The following KIF3C variants were observed in gnomAD, a reference collection of about 807,000 sequenced individuals.
The protein encoded by KIF3C is kinesin family member 3C.
In KIF3C, 12 loss-of-function variants were observed where a neutral mutation model predicts 67.7. The ratio of observed to expected loss-of-function variants is 0.18; its 90% CI spans 0.11 to 0.29. KIF3C has a LOEUF of 0.29. Ranked by LOEUF, KIF3C falls within the 10% of genes least tolerant of loss-of-function variation. KIF3C has a pLI of 1.00. For synonymous variants in KIF3C, 393 were observed against 426.2 expected (o/e 0.92, Z 0.96); for missense variants, 789 against 1,059.6 (o/e 0.74, Z 3.55).
At chr2:25,965,610 C>A (rs1217434058) in intron 1 of KIF3C, among the ~76,000 whole-genome samples, 1 of 151,778 alleles carries the variant, frequency 6.6e-6, no homozygotes, top group East Asian at 1.9e-4. Flanking sequence ...TGAGCCACCA[C>A]ACCCGACTAA....
intron 1 of KIF3C, among the ~76,000 whole-genome samples, chr2:25,960,830 C>T (rs1422714858): frequency 1.3e-5 from 2 of 152,090 alleles, no homozygotes; most frequent in African/African-American, 4.8e-5. Context: ...CAGCTACTCG[C>T]AAGGCTGTGG....
intron 5 of KIF3C, among the ~76,000 whole-genome samples, chr2:25,940,569 C>CA (rs369160884): frequency 1.4e-4 from 19 of 138,450 alleles, no homozygotes; most frequent in African/African-American, 4.8e-4. Flanking sequence ...GACTCCATCT[C>CA]AAAAAACAAA....
intron 4 of KIF3C, 102 bp downstream of exon 4, chr2:25,954,165 C>T (rs1663734731): frequency 1.2e-6 from 1 of 846,316 alleles, no homozygotes; most frequent in African/African-American, 1.7e-5. Flanking sequence ...CTAAAGGACT[C>T]ATGGGAGAGG....
intron 1 of KIF3C, among the ~76,000 whole-genome samples, chr2:25,971,820 A>T (rs1410222256): frequency 7.1e-6 from 1 of 140,972 alleles, no homozygotes; most frequent in African/African-American, 2.7e-5. Flanking sequence ...CCATCCTTCC[A>T]TGTCAGCCTC....
intron 5 of KIF3C, among the ~76,000 whole-genome samples, chr2:25,950,374 C>T (rs1284637894): frequency 6.6e-6 from 1 of 151,738 alleles, no homozygotes; most frequent in East Asian, 1.9e-4. Context: ...CCTGCCACCA[C>T]GCCCAGCTAA....
intron 5 of KIF3C, among the ~76,000 whole-genome samples, chr2:25,945,430 G>A (rs889774465): frequency 6.6e-6 from 1 of 151,518 alleles, no homozygotes; most frequent in Admixed American, 6.6e-5. Flanking sequence ...GGCCAGGTTC[G>A]GTGGCTCAAG....
At chr2:25,959,885 T>C (rs1447961944) in intron 1 of KIF3C, among the ~76,000 whole-genome samples, 1 of 152,148 alleles carries the variant, frequency 6.6e-6, no homozygotes, top group Non-Finnish European at 1.5e-5. Context: ...AGGCCCCTAC[T>C]GTTGTGGACC....
intron 5 of KIF3C, among the ~76,000 whole-genome samples, chr2:25,939,935 G>C (rs1663241128): frequency 6.6e-6 from 1 of 151,820 alleles, no homozygotes; most frequent in Admixed American, 6.6e-5. Context: ...GGGTGACAGA[G>C]TAAAACTCTG....
rs1038920913 is a variant in KIF3C at position 25,981,133 on chromosome 2, C to A, written c.785G>T (p.Gly262Val). ...ACCCGAGGATGGTGTGGCTGCCCCT[C>A]CCGCTGTGTTGGGGCCTGCCTTGTT... ...RQNKAGPNTA[G>V]GAATPSSGGG... Residue 262 changes from glycine to valine, a missense_variant, in exon 1 of 8, where the codon GGA (glycine) becomes GTA (valine). This residue lies in a region of KIF3C where 648 missense variants were observed against 807.8 expected (regional missense o/e 0.80). Transcript: ENST00000264712. The surrounding 1 kb of genome is among the most constrained non-coding windows in gnomAD (Gnocchi z 8.2). 5 of 1,614,066 alleles carry A rather than the reference C, an allele frequency of 3.1e-6. No individual in the cohort carries two copies. The African/African-American group carries it at 6.7e-5, about 22-fold the overall frequency.
At chr2:25,931,181 G>A (rs969122651) in intron 5 of KIF3C, among the ~76,000 whole-genome samples, 5 of 152,062 alleles carry the variant, frequency 3.3e-5, no homozygotes, top group Non-Finnish European at 7.4e-5. Context: ...CCCCTGCCAG[G>A]TGCAGTGGCT....
chr2:25,970,469 G>A (rs972003738), intron 1 of KIF3C, among the ~76,000 whole-genome samples: 6 of 151,184 alleles, frequency 4.0e-5, no homozygotes, highest in African/African-American at 1.2e-4. Flanking sequence ...GGAGTTCGGC[G>A]CCAGTCTGGT....
intron 1 of KIF3C, among the ~76,000 whole-genome samples, chr2:25,974,866 A>T (rs1259419199): frequency 6.6e-6 from 1 of 151,904 alleles, no homozygotes; most frequent in African/African-American, 2.4e-5. Context: ...ATCTGTACTA[A>T]AAATATAAAA....
chr2:25,941,094 G>A lies in KIF3C; in HGVS notation c.2006+10695C>T, dbSNP rs145027847. The stretch of plus-strand genomic sequence containing the variant: ...GGAGTTCACTTGAGCTCAGGAGTTC[G>A]AGACCAGCCTAGGCAACATAGTGAG... On this transcript the variant is annotated intron_variant, in intron 5 of 7. Transcript: ENST00000264712. Among the ~76,000 whole-genome samples, 16 of 151,166 alleles carry A rather than the reference G, an allele frequency of 1.1e-4. No homozygotes were observed. In the East Asian group the frequency reaches 1.9e-3, roughly 18 times the overall value.
intron 1 of KIF3C, among the ~76,000 whole-genome samples, chr2:25,969,951 A>G (rs1421695472): frequency 6.6e-6 from 1 of 152,172 alleles, no homozygotes; most frequent in Non-Finnish European, 1.5e-5. Flanking sequence ...CCTGGCCTCA[A>G]GTGATCTGCC....
At chr2:25,947,348 G>A (rs1297271225) in intron 5 of KIF3C, among the ~76,000 whole-genome samples, 2 of 152,214 alleles carry the variant, frequency 1.3e-5, no homozygotes, top group South Asian at 2.1e-4. Context: ...TTGGGAGGCC[G>A]GGGCGGGCAG....
chr2:25,949,063 T>C (rs1169502265), intron 5 of KIF3C, among the ~76,000 whole-genome samples: 1 of 152,170 alleles, frequency 6.6e-6, no homozygotes, highest in Non-Finnish European at 1.5e-5. Context: ...TATATAATAA[T>C]ATTGTGACAA....
At chr2:25,956,839 C>A (rs1335550406) in intron 1 of KIF3C, among the ~76,000 whole-genome samples, 1 of 152,154 alleles carries the variant, frequency 6.6e-6, no homozygotes, top group Non-Finnish European at 1.5e-5. Flanking sequence ...GGTAGCCCAG[C>A]CTTTAGCTAA....
chr2:25,954,532 GCCCAACC>G, intron 3 of KIF3C, 147 bp from the exon 4 acceptor site: 1 of 626,716 alleles, frequency 1.6e-6, no homozygotes, highest in Non-Finnish European at 2.8e-6. Context: ...TCCCCGCTGT[GCCCAACC>G]CACCACGAAT....
intron 5 of KIF3C, among the ~76,000 whole-genome samples, chr2:25,947,864 G>T (rs1351059697): frequency 6.6e-6 from 1 of 151,962 alleles, no homozygotes; most frequent in Non-Finnish European, 1.5e-5. Context: ...TGAAGTAAGG[G>T]TTACTTAAAA....
Sources: gnomAD v4.1 joint callset for allele counts (sites outside exome capture counted in the v4.1 genomes callset) on GRCh38, gnomAD v4.1.1 for gene constraint, gnomAD v4.1.1 regional missense constraint, Gnocchi (gnomAD v3.1) non-coding constraint, MANE v1.5 for transcripts, NCBI Gene and HGNC (gene_info 2026-07-23, HGNC 2026-07-21) for gene names.